SLC25A48: variants seen among roughly 807,000 people sequenced by gnomAD.
SLC25A48 encodes the protein solute carrier family 25 member 48, also known as CTC-321K16.1.
A neutral mutation model predicts 32.2 loss-of-function variants in SLC25A48; 29 were observed. The ratio of observed to expected loss-of-function variants is 0.90; its 90% confidence interval spans 0.67 to 1.23. The LOEUF (loss-of-function observed/expected upper bound fraction) is 1.23, where lower values mean the gene tolerates loss of function less well. Ranked by LOEUF, SLC25A48 falls within the 50% of genes most tolerant of loss-of-function variation. The probability of loss-of-function intolerance (pLI) is 0.00; values close to 1 mark genes in which losing one functional copy is unlikely to be tolerated. For missense variants in SLC25A48, 399 were observed against 422.7 expected, an observed-to-expected ratio of 0.94 and a Z score of 0.49; for synonymous variants, 164 against 172.3, an observed-to-expected ratio of 0.95 and a Z score of 0.38.
At position 135,670,458 on chromosome 5, in the gene SLC25A48, T is replaced by C. The variant is rs528726615; in HGVS notation, c.-521+35502T>C. On this transcript the variant is annotated intron_variant, in intron 3 of 10. Transcript: ENST00000646290. ...GGACACAGAGTGGAGGGTTGGAGCA[T>C]GGGCTTTGCAACCAGCAGGCTCTGG... Among the ~76,000 whole-genome samples, 457 of 152,318 alleles carry C rather than the reference T, an allele frequency of 3.0e-3. 1 individual carries two copies. The highest frequency in any genetic ancestry group is 0.011 in the African/African-American group (439 of 41,580).
At chr5:135,838,738 C>T (rs975683607) in intron 1 of SLC25A48, among the ~76,000 whole-genome samples, 39 of 152,204 alleles carry the variant, frequency 2.6e-4, no homozygotes, top group African/African-American at 8.0e-4. Flanking sequence ...TGGTGTTGAG[C>T]CTGTGGGTGG....
chr5:135,635,689 C>G (rs1341321901), intron 3 of SLC25A48, among the ~76,000 whole-genome samples: 1 of 152,150 alleles, frequency 6.6e-6, no homozygotes. Flanking sequence ...TATAAATAGT[C>G]CCACCACGGC....
intron 1 of SLC25A48, among the ~76,000 whole-genome samples, chr5:135,617,948 G>A (rs1489032250): frequency 6.6e-6 from 1 of 151,906 alleles, no homozygotes; most frequent in Non-Finnish European, 1.5e-5. Context: ...GGTCTAATAT[G>A]CAGTTTAAGT....
intron 4 of SLC25A48, among the ~76,000 whole-genome samples, chr5:135,856,545 G>T (rs1760337250): frequency 6.6e-6 from 1 of 152,208 alleles, no homozygotes; most frequent in Non-Finnish European, 1.5e-5. Context: ...GGGGTGCATG[G>T]AGGGCCTGAG....
Position 135,834,874 on chromosome 5 carries a change from T to C in SLC25A48, c.27T>C (p.Phe9=), listed in dbSNP as rs200680259. The part of the protein sequence containing the change: MGSFQLED[F]AAGWIGGAAS... The stretch of plus-strand genomic sequence containing the variant: ...TGGGAAGCTTCCAGCTGGAAGACTT[T>C]GCGGCGGGCTGGATCGGAGGTGAGT... The change falls in exon 1 of 8, where the codon TTT becomes TTC. Residue 9 remains phenylalanine, a synonymous_variant. Coordinates refer to ENST00000681962, the MANE Select transcript of SLC25A48 (RefSeq NM_001349336.2). 9.1e-5 allele frequency: 146 copies of C among 1,604,462 alleles called. No homozygotes were observed. The African/African-American group carries it at 1.7e-3, about 18-fold the overall frequency.
intron 3 of SLC25A48, among the ~76,000 whole-genome samples, chr5:135,770,268 AT>A (rs1756371291): frequency 7.2e-6 from 1 of 138,064 alleles, no homozygotes; most frequent in African/African-American, 2.7e-5. Flanking sequence ...TACTCCCAAT[AT>A]TGCAGGGGGG....
chr5:135,881,999 C>G (rs113981365), intron 7 of SLC25A48, among the ~76,000 whole-genome samples: 6 of 152,238 alleles, frequency 3.9e-5, no homozygotes, highest in African/African-American at 1.4e-4. Flanking sequence ...CTGTGACCAC[C>G]CTGGTGATTA....
At chr5:135,714,711 C>T (rs564856255) in intron 3 of SLC25A48, 5 of 152,384 alleles carry the variant, frequency 3.3e-5, no homozygotes, top group South Asian at 2.1e-4. Context: ...ACAGGCATTA[C>T]ATCATTCAAC....
intron 3 of SLC25A48, among the ~76,000 whole-genome samples, chr5:135,680,114 T>A (rs1753860866): frequency 6.6e-6 from 1 of 152,160 alleles, no homozygotes; most frequent in South Asian, 2.1e-4. Flanking sequence ...GTGTCTGTAG[T>A]CACTACTCTT....
chr5:135,720,321 C>G (rs1286057781), intron 3 of SLC25A48, among the ~76,000 whole-genome samples: 1 of 139,228 alleles, frequency 7.2e-6, no homozygotes, highest in East Asian at 2.6e-4. Flanking sequence ...AATGTGGAAG[C>G]CCCAGTTGGC....
chr5:135,782,281 A>G (rs1207209125), intron 3 of SLC25A48, among the ~76,000 whole-genome samples: 6 of 114,864 alleles, frequency 5.2e-5, no homozygotes, highest in African/African-American at 1.6e-4. Context: ...ACACCCCACT[A>G]TGGTGTTGTT....
intron 1 of SLC25A48, among the ~76,000 whole-genome samples, chr5:135,589,140 T>TA: frequency 6.6e-6 from 1 of 152,310 alleles, no homozygotes; most frequent in Non-Finnish European, 1.5e-5. Context: ...GGGCACACTG[T>TA]TTCATAAACG....
At chr5:135,708,107 G>A (rs975004826) in intron 3 of SLC25A48, among the ~76,000 whole-genome samples, 12 of 152,310 alleles carry the variant, frequency 7.9e-5, no homozygotes, top group Non-Finnish European at 1.8e-4. Flanking sequence ...AGCCTTCCAG[G>A]CAGCAGGGGC....
At chr5:135,737,331 C>CG (rs1396906376) in intron 3 of SLC25A48, among the ~76,000 whole-genome samples, 4 of 151,914 alleles carry the variant, frequency 2.6e-5, no homozygotes, top group African/African-American at 9.7e-5. Flanking sequence ...CAGGATGAGC[C>CG]GGGAGAAGGA....
In SLC25A48 at chr5:135,720,213, G is replaced by T. The variant is rs1405296405; in HGVS notation, c.-521+85257G>T. On this transcript the variant is annotated intron_variant, in intron 3 of 10. Transcript: ENST00000646290. The stretch of plus-strand genomic sequence containing the variant: ...CATCCTGAGTGATTCAGTTGACTCA[G>T]ACCCATTCTTGGGTCCAGGGCAGCT... 2.6e-5 allele frequency among the ~76,000 whole-genome samples: 4 copies of T among 152,236 alleles called. No individual in the cohort carries two copies. The East Asian group carries it at 7.7e-4, about 29-fold the overall frequency.
intron 3 of SLC25A48, among the ~76,000 whole-genome samples, chr5:135,682,295 T>C (rs987713657): frequency 2.6e-5 from 4 of 152,168 alleles, no homozygotes; most frequent in African/African-American, 9.7e-5. Flanking sequence ...ATATATCTTG[T>C]AGGATTTTTT....
At position 135,883,552 on chromosome 5, in the gene SLC25A48, C is replaced by T. The variant is rs573508056; in HGVS notation, c.*7+3455C>T. 211 of 890,652 alleles carry T rather than the reference C, an allele frequency of 2.4e-4. No individual in the cohort carries two copies. In the African/African-American group the frequency reaches 3.4e-3, roughly 14 times the overall value. 55.2% of individuals were successfully genotyped at this position (890,652 alleles called of 1,614,324 possible). A position where few individuals can be genotyped will look rare whatever the true frequency, so the allele number is the denominator to read the frequency against. On this transcript the variant is annotated intron_variant, in intron 7 of 7. Coordinates refer to ENST00000681962, the MANE Select transcript of SLC25A48 (RefSeq NM_001349336.2). The stretch of plus-strand genomic sequence containing the variant: ...TTCAGGCCTCTGTGGGTGTTGCAGG[C>T]CCAGAGGGAAAACCCCTCCACACAG...
At chr5:135,751,367 A>C (rs1270811182) in intron 3 of SLC25A48, among the ~76,000 whole-genome samples, 3 of 152,158 alleles carry the variant, frequency 2.0e-5, no homozygotes, top group Non-Finnish European at 4.4e-5. Context: ...TCCATATGTC[A>C]CTTCATGGAC....
At chr5:135,875,301 G>C (rs1327915989) in intron 6 of SLC25A48, 1 of 152,156 alleles carries the variant, frequency 6.6e-6, no homozygotes, top group East Asian at 1.9e-4. Context: ...ACACCACCAC[G>C]GGCAACAGCT....
Sources: gnomAD v4.1 joint callset for allele counts (sites outside exome capture counted in the v4.1 genomes callset) on GRCh38, gnomAD v4.1.1 for gene constraint, MANE v1.5 for transcripts, NCBI Gene and HGNC (gene_info 2026-07-23, HGNC 2026-07-21) for gene names.